PRDM5: variants seen among roughly 807,000 people sequenced by gnomAD.
PRDM5 encodes the protein PR domain zinc finger protein 5.
Under a neutral mutation model 81.2 loss-of-function variants are expected in PRDM5, and 56 were observed. The observed-to-expected ratio is 0.69, with a 90% CI of 0.56 to 0.86. The LOEUF (loss-of-function observed/expected upper bound fraction) is 0.86. PRDM5 is among the 40% of genes least tolerant of loss of function. The pLI is 0.00. For missense variants in PRDM5, 697 were observed against 770.1 expected (o/e 0.91, Z 1.12); for synonymous variants, 267 against 256.4 (o/e 1.04, Z -0.39).
At position 120,796,460 on chromosome 4, in the gene PRDM5, T is replaced by C. The variant is rs867780274; in HGVS notation, c.1188+1807A>G. Reference sequence around the variant, plus strand: ...GCAAAGATCCTGTGCCAAATTCCCATATGGCATATAACATGAGCCAAACTG... The same window carrying C: ...GCAAAGATCCTGTGCCAAATTCCCACATGGCATATAACATGAGCCAAACTG... On this transcript the variant is annotated intron_variant, in intron 10 of 15. Transcript: ENST00000264808. Among the ~76,000 whole-genome samples, 7 of 152,288 alleles carry C rather than the reference T, an allele frequency of 4.6e-5. No homozygotes were observed. In the Middle Eastern group the frequency reaches 0.01, roughly 222 times the overall value.
rs1457041477 is a variant in PRDM5 at position 120,781,095 on chromosome 4, C to T, written c.1443+48G>A. The T allele has an allele frequency of 7.9e-6, 12 of 1,523,130 alleles. No homozygotes were observed. The East Asian group carries it at 2.5e-4, about 31-fold the overall frequency. The allele number at this position is 1,523,130 out of a possible 1,614,324, so 94.4% of individuals were successfully genotyped here. A position where few individuals can be genotyped will look rare whatever the true frequency, so the allele number is the denominator to read the frequency against. ...ATGTTAGTTAACATATATACCCATACTGCTTAAACACGTAATCTGTTCAAA... is the reference window on the plus strand; with the variant it reads ...ATGTTAGTTAACATATATACCCATATTGCTTAAACACGTAATCTGTTCAAA... On this transcript the variant is annotated intron_variant, in intron 12 of 15. Transcript: ENST00000264808.
chr4:120,742,876 T>C lies in PRDM5; in HGVS notation c.1623+11677A>G, dbSNP rs1578552255. 3.9e-5 allele frequency among the ~76,000 whole-genome samples: 6 copies of C among 151,992 alleles called. No homozygotes were observed. The South Asian group carries it at 8.3e-4, about 21-fold the overall frequency. The stretch of plus-strand genomic sequence containing the variant: ...CTCTGCAGGATATTATCCAGGAGAA[T>C]TTCCCCAATCTAGCAAGGCAGGCCA... On this transcript the variant is annotated intron_variant, in intron 14 of 15. Coordinates refer to ENST00000264808, the MANE Select transcript of PRDM5 (RefSeq NM_018699.4).
Position 120,742,130 on chromosome 4 carries a change from C to T in PRDM5, c.1623+12423G>A, listed in dbSNP as rs191167718. Among the ~76,000 whole-genome samples, 141 of 152,284 alleles carry T rather than the reference C, an allele frequency of 9.3e-4. 2 individuals are homozygous for T. Among genetic ancestry groups the T allele is most frequent in the African/African-American group, 2.7e-3 (114 of 41,550 alleles). ...AGTGGGTCCCTGACCCCTGACCCCC[C>T]GAGCAGCCTAACTGGGAGGCACCCT... On this transcript the variant is annotated intron_variant, in intron 14 of 15. Transcript: ENST00000264808.
In PRDM5 at chr4:120,818,524, C is replaced by T. The variant is rs781674958; in HGVS notation, c.479G>A (p.Arg160His). 4.3e-6 allele frequency: 7 copies of T among 1,611,692 alleles called. No individual in the cohort carries two copies. The highest frequency in any genetic ancestry group is 2.7e-5 in the African/African-American group (2 of 74,806). Residue 160 changes from arginine to histidine, a missense_variant, in exon 5 of 16, where the codon CGC (arginine) becomes CAC (histidine). This residue lies in a region of PRDM5 where 577 missense variants were observed against 606.7 expected (regional missense o/e 0.95). Transcript: ENST00000264808. ...AGCATAGTCCTCTTTACAGCCAAGGCGATCTGCACATTCACAAGGAAACAT... is the reference window on the plus strand; with the variant it reads ...AGCATAGTCCTCTTTACAGCCAAGGTGATCTGCACATTCACAAGGAAACAT... ...RRQSTAGRKD[R>H]LGCKEDYACP...
At chr4:120,879,931 A>G (rs1762681584) in intron 2 of PRDM5, among the ~76,000 whole-genome samples, 1 of 152,180 alleles carries the variant, frequency 6.6e-6, no homozygotes, top group Non-Finnish European at 1.5e-5. Context: ...TCTATATGAC[A>G]CTGTAGCAGT....
chr4:120,851,757 T>C (rs565257825), intron 3 of PRDM5, among the ~76,000 whole-genome samples: 68 of 152,340 alleles, frequency 4.5e-4, no homozygotes, highest in Non-Finnish European at 7.5e-4. Flanking sequence ...TGCCTTTTCC[T>C]TCTTGCTACT....
intron 2 of PRDM5, among the ~76,000 whole-genome samples, chr4:120,863,099 A>G (rs2148506069): frequency 6.9e-6 from 1 of 145,764 alleles, no homozygotes; most frequent in South Asian, 2.3e-4. Flanking sequence ...TGCAGGCTGC[A>G]GTGAGCCAAG....
At chr4:120,792,647 A>G (rs1278704444) in intron 10 of PRDM5, among the ~76,000 whole-genome samples, 1 of 152,198 alleles carries the variant, frequency 6.6e-6, no homozygotes, top group Non-Finnish European at 1.5e-5. Flanking sequence ...CCAGGATATA[A>G]AAACAACCTA....
chr4:120,790,639 A>G (rs1750427435), intron 10 of PRDM5, among the ~76,000 whole-genome samples: 1 of 152,232 alleles, frequency 6.6e-6, no homozygotes. Context: ...TATGAAAAAA[A>G]TCACGTTCTA....
intron 10 of PRDM5, among the ~76,000 whole-genome samples, chr4:120,791,332 T>C (rs1055210992): frequency 6.6e-6 from 1 of 152,178 alleles, no homozygotes; most frequent in Non-Finnish European, 1.5e-5. Context: ...AAATCATATG[T>C]TAAGGCAAAG....
intron 15 of PRDM5, among the ~76,000 whole-genome samples, chr4:120,706,085 CTT>C (rs5861484): frequency 1.3e-4 from 18 of 143,284 alleles, no homozygotes; most frequent in African/African-American, 4.4e-4. Flanking sequence ...GATCCTAGAT[CTT>C]TTTTTTTTTT....
intron 14 of PRDM5, among the ~76,000 whole-genome samples, chr4:120,749,906 C>T (rs970472068): frequency 7.9e-5 from 12 of 152,130 alleles, no homozygotes; most frequent in African/African-American, 2.4e-4. Context: ...AAACCTTCTA[C>T]TCTAAAGATA....
intron 15 of PRDM5, among the ~76,000 whole-genome samples, chr4:120,698,609 C>T (rs1734869013): frequency 1.3e-5 from 2 of 152,186 alleles, no homozygotes; most frequent in Admixed American, 6.5e-5. Flanking sequence ...GAGTACTTAA[C>T]TGACCACTTG....
At chr4:120,773,918 T>C (rs1747677493) in intron 13 of PRDM5, among the ~76,000 whole-genome samples, 1 of 152,182 alleles carries the variant, frequency 6.6e-6, no homozygotes, top group African/African-American at 2.4e-5. Flanking sequence ...CTTTTCACAC[T>C]AAATGATTTC....
intron 3 of PRDM5, among the ~76,000 whole-genome samples, chr4:120,833,409 T>A (rs534780386): frequency 6.6e-6 from 1 of 152,266 alleles, no homozygotes; most frequent in South Asian, 2.1e-4. Flanking sequence ...CTTATTCTAC[T>A]TAGTAATAGC....
At chr4:120,734,145 G>A (rs142982609) in intron 14 of PRDM5, among the ~76,000 whole-genome samples, 2,014 of 152,202 alleles carry the variant, frequency 0.013, 15 homozygotes, top group Non-Finnish European at 0.022. Context: ...GGGGCAGACG[G>A]CAGGCAGCAC....
At position 120,880,114 on chromosome 4, in the gene PRDM5, G is replaced by A. The variant is rs553325538; in HGVS notation, c.178-26574C>T. 5.9e-5 allele frequency among the ~76,000 whole-genome samples: 9 copies of A among 152,192 alleles called. No individual in the cohort carries two copies. In the South Asian group the frequency reaches 1.0e-3, roughly 18 times the overall value. On this transcript the variant is annotated intron_variant, in intron 2 of 15. Coordinates refer to ENST00000264808, the MANE Select transcript of PRDM5 (RefSeq NM_018699.4). Reference sequence around the variant, plus strand: ...TAATAGGGGAAAATGGGGGTAACACGAGGGTAGACATGGGAACTCTTCTGT... The same window carrying A: ...TAATAGGGGAAAATGGGGGTAACACAAGGGTAGACATGGGAACTCTTCTGT...
intron 14 of PRDM5, among the ~76,000 whole-genome samples, chr4:120,737,845 A>G (rs1487155209): frequency 2.0e-5 from 3 of 152,230 alleles, no homozygotes; most frequent in East Asian, 1.9e-4. Context: ...ATGGATTCAT[A>G]TATCTTATCT....
At chr4:120,719,431 G>A (rs1325295091) in intron 14 of PRDM5, among the ~76,000 whole-genome samples, 3 of 152,222 alleles carry the variant, frequency 2.0e-5, no homozygotes, top group South Asian at 2.1e-4. Flanking sequence ...ACTTCTTCAC[G>A]GTTTCTTTAT....
Sources: allele counts gnomAD v4.1 joint callset (sites outside exome capture counted in the v4.1 genomes callset), GRCh38; gene constraint gnomAD v4.1.1; regional missense constraint gnomAD v4.1.1; transcripts MANE v1.5; gene names NCBI Gene and HGNC (gene_info 2026-07-23, HGNC 2026-07-21).